The following PCBP3 variants were observed in gnomAD, a reference collection of about 807,000 sequenced individuals.
The protein encoded by PCBP3 is poly(rC)-binding protein 3.
In PCBP3, 25 loss-of-function variants were observed where a neutral mutation model predicts 52.7. The observed-to-expected ratio is 0.47, with a 90% confidence interval of 0.35 to 0.66. The LOEUF is 0.66. Among genes scored for constraint, PCBP3 ranks in the 30% least tolerant of loss-of-function variants. The pLI is 0.01. For synonymous variants in PCBP3, 162 were observed against 183.0 expected (o/e 0.89, Z 0.93); for missense variants, 391 against 490.3 (o/e 0.80, Z 1.91).
At chr21:45,930,284 C>A (rs942989689) in intron 14 of PCBP3, among the ~76,000 whole-genome samples, 1 of 152,202 alleles carries the variant, frequency 6.6e-6, no homozygotes, top group Non-Finnish European at 1.5e-5. Flanking sequence ...ACTTGCTGGG[C>A]AGTGCCCTGT....
intron 4 of PCBP3, among the ~76,000 whole-genome samples, chr21:45,770,593 C>T (rs2089781984): frequency 6.6e-6 from 1 of 152,186 alleles, no homozygotes; most frequent in Non-Finnish European, 1.5e-5. Context: ...TTCTTCCCAG[C>T]GTGCATGTAT....
At position 45,880,594 on chromosome 21, in the gene PCBP3, C is replaced by T. The variant is rs1236725361; in HGVS notation, c.11-15614C>T. On this transcript the variant is annotated intron_variant, in intron 5 of 17. Transcript: ENST00000681687. This position sits in a 1 kb window ranked among gnomAD's most constrained non-coding sequence, Gnocchi z 5.4. ...CTAATCCTTAAATACATACTGCGCC[C>T]CCTTGTGGGCCAAGAGTGGTGCTGG... is the stretch of plus-strand genomic sequence containing the variant. Among the ~76,000 whole-genome samples, 1 of 152,140 alleles carries T rather than the reference C, an allele frequency of 6.6e-6. No homozygotes were observed. Among genetic ancestry groups the T allele is most frequent in the East Asian group, 1.9e-4 (1 of 5,160 alleles).
intron 11 of PCBP3, among the ~76,000 whole-genome samples, chr21:45,913,017 C>T (rs568728156): frequency 6.6e-6 from 1 of 152,272 alleles, no homozygotes; most frequent in African/African-American, 2.4e-5. Flanking sequence ...GCAGGACAGG[C>T]TGCCCCCTGC....
chr21:45,769,510 A>G (rs910981941), intron 4 of PCBP3, among the ~76,000 whole-genome samples: 1 of 152,228 alleles, frequency 6.6e-6, no homozygotes, highest in African/African-American at 2.4e-5. Context: ...GGCGGCCCCT[A>G]CTGTGCTTTG....
At chr21:45,682,505 T>G (rs541799751) in intron 2 of PCBP3, among the ~76,000 whole-genome samples, 3 of 152,242 alleles carry the variant, frequency 2.0e-5, no homozygotes, top group Admixed American at 6.5e-5. Context: ...TATTAAAAAC[T>G]GAGTGCACTT....
At chr21:45,855,136 C>G (rs1057063222) in intron 5 of PCBP3, among the ~76,000 whole-genome samples, 5 of 152,184 alleles carry the variant, frequency 3.3e-5, no homozygotes, top group Non-Finnish European at 5.9e-5. Flanking sequence ...CCTTCCTCTC[C>G]AAGTCTGGCA....
chr21:45,803,250 G>T (rs999231128), intron 4 of PCBP3, among the ~76,000 whole-genome samples: 2 of 152,186 alleles, frequency 1.3e-5, no homozygotes, highest in African/African-American at 2.4e-5. Flanking sequence ...GTATTGGTGT[G>T]TTTTTTGCAC....
chr21:45,899,263 TTC>T (rs1407689583), intron 6 of PCBP3, among the ~76,000 whole-genome samples: 3 of 152,160 alleles, frequency 2.0e-5, no homozygotes, highest in African/African-American at 7.2e-5. Flanking sequence ...CTTCCAGAGT[TTC>T]CTGGTAGCCT....
At chr21:45,856,891 G>A (rs1272784610) in intron 5 of PCBP3, among the ~76,000 whole-genome samples, 1 of 152,166 alleles carries the variant, frequency 6.6e-6, no homozygotes, top group Non-Finnish European at 1.5e-5. Context: ...CTCAAAGTGA[G>A]GGCTTCCAGG....
chr21:45,939,949 GC>G, intron 16 of PCBP3, 80 bp from the exon 17 acceptor site: 2 of 1,325,566 alleles, frequency 1.5e-6, no homozygotes, highest in Non-Finnish European at 2.1e-6. Context: ...CGTCCCACCG[GC>G]CCCCTCGGGC....
intron 4 of PCBP3, among the ~76,000 whole-genome samples, chr21:45,770,990 A>G (rs1603412516): frequency 6.6e-6 from 1 of 152,344 alleles, no homozygotes; most frequent in East Asian, 1.9e-4. Context: ...GATTTCTTCA[A>G]TCAATTCAGT....
chr21:45,899,892 C>A (rs537692223), intron 7 of PCBP3, among the ~76,000 whole-genome samples: 2 of 152,330 alleles, frequency 1.3e-5, no homozygotes, highest in African/African-American at 4.8e-5. Flanking sequence ...GTGGCCAGTC[C>A]TTCTTTCCCG....
At position 45,827,225 on chromosome 21, in the gene PCBP3, G is replaced by A. The variant is rs561030005; in HGVS notation, c.-125-22736G>A. On this transcript the variant is annotated intron_variant, in intron 4 of 17. Coordinates refer to ENST00000681687, the MANE Select transcript of PCBP3 (RefSeq NM_001384156.1). This position sits in a 1 kb window ranked among gnomAD's most constrained non-coding sequence, Gnocchi z 4.3. The stretch of plus-strand genomic sequence containing the variant: ...CTGGGCATCAGCTGAGGCCAGGGGC[G>A]GAACCTAGATGCCTCTTCTAACCTG... Among the ~76,000 whole-genome samples the A allele has an allele frequency of 7.2e-5, 11 of 152,308 alleles. No individual in the cohort carries two copies. The highest frequency in any genetic ancestry group is 1.9e-4 in the African/African-American group (8 of 41,580).
intron 4 of PCBP3, among the ~76,000 whole-genome samples, chr21:45,781,156 A>G (rs1303450471): frequency 6.6e-6 from 1 of 152,166 alleles, no homozygotes; most frequent in Non-Finnish European, 1.5e-5. Context: ...AGAAAGTCCA[A>G]CCTATATTCA....
intron 4 of PCBP3, among the ~76,000 whole-genome samples, chr21:45,793,415 G>A (rs1052770612): frequency 3.3e-5 from 5 of 152,118 alleles, no homozygotes; most frequent in South Asian, 2.1e-4. Context: ...ACTGACAGGC[G>A]GGGAGAGCGA....
In PCBP3 at chr21:45,643,737, T is replaced by G. The variant is rs1418627820; in HGVS notation, c.-410T>G. The G allele has an allele frequency of 6.8e-6, 1 of 147,998 alleles. No homozygotes were observed. Among genetic ancestry groups the G allele is most frequent in the Non-Finnish European group, 1.5e-5 (1 of 66,632 alleles). The allele number at this position is 147,998 out of a possible 1,614,324, so 9.2% of individuals were successfully genotyped here. Reference sequence around the variant, plus strand: ...AGCCGCGACCGCCGCCTCAGCCGCCTCAGCCGCGGTCGCCGCCGCTTCGGC... The same window carrying G: ...AGCCGCGACCGCCGCCTCAGCCGCCGCAGCCGCGGTCGCCGCCGCTTCGGC... On this transcript the variant is annotated 5_prime_UTR_variant, in exon 1 of 18. Coordinates refer to ENST00000681687, the MANE Select transcript of PCBP3 (RefSeq NM_001384156.1).
intron 5 of PCBP3, among the ~76,000 whole-genome samples, chr21:45,896,001 G>T (rs1049290883): frequency 9.2e-5 from 14 of 152,356 alleles, no homozygotes; most frequent in African/African-American, 3.4e-4. Context: ...GCAGCCGTGG[G>T]GCCTCCCTGG....
At chr21:45,849,316 C>T (rs2148175275) in intron 4 of PCBP3, among the ~76,000 whole-genome samples, 1 of 152,100 alleles carries the variant, frequency 6.6e-6, no homozygotes, top group Middle Eastern at 3.4e-3. Context: ...AGCAATTCTC[C>T]TGCCTCAGCC....
intron 5 of PCBP3, among the ~76,000 whole-genome samples, chr21:45,889,240 G>A (rs1018539152): frequency 2.0e-5 from 3 of 152,176 alleles, no homozygotes; most frequent in Non-Finnish European, 2.9e-5. Context: ...GCTGTTAAAT[G>A]TAAGTGCCCC....
Sources: allele counts gnomAD v4.1 joint callset (sites outside exome capture counted in the v4.1 genomes callset), GRCh38; gene constraint gnomAD v4.1.1; non-coding constraint Gnocchi (gnomAD v3.1); transcripts MANE v1.5; gene names NCBI Gene and HGNC (gene_info 2026-07-23, HGNC 2026-07-21).